Variants in CCNE1 observed in about 807,000 individuals in gnomAD.
The protein encoded by CCNE1 is cyclin E1.
Under a neutral mutation model 54.1 loss-of-function variants are expected in CCNE1, and 8 were observed. That is an observed-to-expected ratio of 0.15 (90% CI 0.09 to 0.27). CCNE1 has a LOEUF of 0.27. Ranked by LOEUF, CCNE1 falls within the 10% of genes least tolerant of loss-of-function variation. CCNE1 has a pLI of 1.00. For synonymous variants in CCNE1, 179 were observed against 185.2 expected, an observed-to-expected ratio of 0.97 and a Z score of 0.27; for missense variants, 430 against 514.9, an observed-to-expected ratio of 0.84 and a Z score of 1.60.
At chr19:29,813,460 G>GGC in intron 4 of CCNE1, 1 of 161,866 alleles carries the variant, frequency 6.2e-6, no homozygotes, top group Non-Finnish European at 1.3e-5. Context: ...GTGTTTATAA[G>GGC]CAACAACTTT....
rs748196997 is a variant in CCNE1, at chr19:29,817,567, T to C, written c.462+26T>C. On this transcript the variant is annotated intron_variant, in intron 6 of 11. Coordinates refer to ENST00000262643, the MANE Select transcript of CCNE1 (RefSeq NM_001238.4). ...GTGAGCTTGAGTCTTCCTGTTCGCT[T>C]CATGAAAGCACTGAGCATTTCCAGC... The C allele has an allele frequency of 2.5e-6, 4 of 1,613,924 alleles. No individual in the cohort carries two copies. In the African/African-American group the frequency reaches 5.3e-5, roughly 22 times the overall value.
In CCNE1 at chr19:29,822,633, T is replaced by C. The variant is rs180895747; in HGVS notation, c.1110+30T>C. Reference sequence around the variant, plus strand: ...GTGCTGCTCCTTCTTTCAGTCCTTCTTGGCCAAATTCTTAAAACTGCCTAA... The same window carrying C: ...GTGCTGCTCCTTCTTTCAGTCCTTCCTGGCCAAATTCTTAAAACTGCCTAA... On this transcript the variant is annotated intron_variant, in intron 11 of 11. Transcript: ENST00000262643. 194 of 1,585,136 alleles carry C rather than the reference T, an allele frequency of 1.2e-4. No individual in the cohort carries two copies. The African/African-American group carries it at 2.3e-3, about 18-fold the overall frequency.
chr19:29,820,647 T>C (rs887631211), intron 6 of CCNE1, 55 bp from the exon 7 acceptor site: 45 of 1,265,632 alleles, frequency 3.6e-5, no homozygotes, highest in East Asian at 9.5e-5. Context: ...TTTTTTTTTT[T>C]CCCCTCCCTC....
chr19:29,823,591 T>C, intron 11 of CCNE1, 64 bp from the exon 12 acceptor site: 2 of 1,399,176 alleles, frequency 1.4e-6, no homozygotes, highest in Non-Finnish European at 1.9e-6. Context: ...AAAAAGCCTA[T>C]GGTAATTGAA....
chr19:29,813,110 T>G, intron 4 of CCNE1, 73 bp downstream of exon 4: 2 of 1,365,058 alleles, frequency 1.5e-6, no homozygotes, highest in Non-Finnish European at 2.1e-6. Context: ...CATGCTGTCT[T>G]GTCTCTTGCT....
At chr19:29,813,128 C>T (rs1973935243) in intron 4 of CCNE1, 91 bp downstream of exon 4, 1 of 1,200,926 alleles carries the variant, frequency 8.3e-7, no homozygotes, top group Non-Finnish European at 1.2e-6. Context: ...GCTGGAGACA[C>T]TCTGGTGAGA....
intron 7 of CCNE1, 51 bp from the exon 8 acceptor site, chr19:29,821,671 G>C: frequency 2.9e-6 from 3 of 1,024,682 alleles, no homozygotes; most frequent in Non-Finnish European, 4.6e-6. Context: ...TATAAATTGA[G>C]ACTGTTAGAG....
intron 11 of CCNE1, among the ~76,000 whole-genome samples, chr19:29,823,074 ATATAGAC>A (rs140985840): frequency 0.027 from 4,158 of 152,264 alleles, 205 homozygotes; most frequent in African/African-American, 0.094. Flanking sequence ...TCTCACTATC[ATATAGAC>A]TATAGAGTTT....
At position 29,823,804 on chromosome 19, in the gene CCNE1, A is replaced by G; in HGVS notation, c.*27A>G. 1 of 1,588,698 alleles carries G rather than the reference A, an allele frequency of 6.3e-7. No individual in the cohort carries two copies. Among genetic ancestry groups the G allele is most frequent in the Non-Finnish European group, 8.6e-7 (1 of 1,166,036 alleles). On this transcript the variant is annotated 3_prime_UTR_variant, in exon 12 of 12. Coordinates refer to ENST00000262643, the MANE Select transcript of CCNE1 (RefSeq NM_001238.4). Reference sequence around the variant, plus strand: ...CACCCCATCCTTCTCCACCAAAGACAGTTGCGCGCCTGCTCCACGTTCTCT... The same window carrying G: ...CACCCCATCCTTCTCCACCAAAGACGGTTGCGCGCCTGCTCCACGTTCTCT...
At chr19:29,815,430 G>A (rs1255543514) in intron 4 of CCNE1, among the ~76,000 whole-genome samples, 1 of 152,174 alleles carries the variant, frequency 6.6e-6, no homozygotes, top group Admixed American at 6.5e-5. Context: ...TGTACATTGG[G>A]TGGGGAAGAG....
chr19:29,820,366 C>T (rs1460965382), intron 6 of CCNE1, among the ~76,000 whole-genome samples: 2 of 152,198 alleles, frequency 1.3e-5, no homozygotes, highest in Middle Eastern at 3.4e-3. Flanking sequence ...GCCTGGCCAA[C>T]GTGGTGAAAT....
At chr19:29,812,938 C>T (rs1199377237) in intron 3 of CCNE1, 31 bp from the exon 4 acceptor site, 15 of 1,613,264 alleles carry the variant, frequency 9.3e-6, no homozygotes, top group Non-Finnish European at 1.1e-5. Flanking sequence ...TGGTGTGTTT[C>T]CTTGGGGTCA....
intron 7 of CCNE1, 62 bp from the exon 8 acceptor site, chr19:29,821,660 T>A (rs1418084190): frequency 1.1e-6 from 1 of 922,208 alleles, no homozygotes; most frequent in Non-Finnish European, 1.8e-6. Context: ...TTTGGATGCA[T>A]TATAAATTGA....
At chr19:29,820,242 C>G (rs1974117473) in intron 6 of CCNE1, among the ~76,000 whole-genome samples, 1 of 152,132 alleles carries the variant, frequency 6.6e-6, no homozygotes, top group Admixed American at 6.6e-5. Context: ...CCAGAAGGGC[C>G]CCTCATTTAA....
Position 29,812,795 on chromosome 19 carries a change from G to A in CCNE1, c.111+19G>A, listed in dbSNP as rs2145715340. 1 of 1,536,906 alleles carries A rather than the reference G, an allele frequency of 6.5e-7. No individual in the cohort carries two copies. On this transcript the variant is annotated intron_variant, in intron 3 of 11. Coordinates refer to ENST00000262643, the MANE Select transcript of CCNE1 (RefSeq NM_001238.4). Reference sequence around the variant, plus strand: ...GACCGTTGTGAGTACAAAAGAGACAGGTTGGGGAGCATCCCCCCCATCTCA... The same window carrying A: ...GACCGTTGTGAGTACAAAAGAGACAAGTTGGGGAGCATCCCCCCCATCTCA...
chr19:29,822,083 G>A lies in CCNE1; in HGVS notation c.793G>A (p.Val265Met), dbSNP rs2145728838. ...TGCATATCTAAATGACTTACATGAA[G>A]TGCTACTGCCGCAGTATCCCCAGCA... ...QVAYLNDLHE[V>M]LLPQYPQQIF... is the part of the protein sequence containing the mutation. The change falls in exon 9 of 12, where the codon GTG becomes ATG. Residue 265 changes from valine (V) to methionine (M), a missense_variant. Transcript: ENST00000262643. 1.2e-6 allele frequency: 2 copies of A among 1,614,072 alleles called. No individual in the cohort carries two copies. Among genetic ancestry groups the A allele is most frequent in the Non-Finnish European group, 1.7e-6 (2 of 1,179,986 alleles).
At chr19:29,821,975 T>C in intron 8 of CCNE1, 21 bp from the exon 9 acceptor site, 1 of 1,600,748 alleles carries the variant, frequency 6.2e-7, no homozygotes, top group Non-Finnish European at 8.5e-7. Context: ...ATCGGTCTCT[T>C]TTCTCTCTGT....
intron 4 of CCNE1, among the ~76,000 whole-genome samples, chr19:29,814,089 G>A (rs1354005471): frequency 6.6e-6 from 1 of 152,180 alleles, no homozygotes; most frequent in South Asian, 2.1e-4. Flanking sequence ...CATTTCTGAG[G>A]AGGGTCCACT....
intron 6 of CCNE1, among the ~76,000 whole-genome samples, chr19:29,817,791 G>T (rs149177899): frequency 6.7e-6 from 1 of 148,180 alleles, no homozygotes; most frequent in Non-Finnish European, 1.5e-5. Flanking sequence ...TAATTGTTAA[G>T]ATTGTATTTT....
Sources: gnomAD v4.1 joint callset for allele counts (sites outside exome capture counted in the v4.1 genomes callset) on GRCh38, gnomAD v4.1.1 for gene constraint, MANE v1.5 for transcripts, NCBI Gene and HGNC (gene_info 2026-07-23, HGNC 2026-07-21) for gene names.